HIKESHI: variants seen among roughly 807,000 people sequenced by gnomAD.
HIKESHI encodes heat shock protein nuclear import factor hikeshi.
HIKESHI carries 13 observed loss-of-function variants against 25.7 expected under a neutral mutation model. The observed-to-expected ratio is 0.51, with a 90% CI of 0.33 to 0.80. The LOEUF (loss-of-function observed/expected upper bound fraction) is 0.80. HIKESHI is among the 30% of genes least tolerant of loss of function. The probability of loss-of-function intolerance (pLI) is 0.02; values close to 1 mark genes in which losing one functional copy is unlikely to be tolerated. For missense variants in HIKESHI, 174 were observed against 229.5 expected (o/e 0.76, Z 1.56); for synonymous variants, 76 against 78.7 (o/e 0.97, Z 0.18).
At chr11:86,315,088 G>A (rs923583407) in intron 2 of HIKESHI, among the ~76,000 whole-genome samples, 6 of 151,988 alleles carry the variant, frequency 3.9e-5, no homozygotes, top group Non-Finnish European at 5.9e-5. Flanking sequence ...TTTATTCTTC[G>A]CTTTGGTTGT....
At chr11:86,302,574 A>C (rs562940228) in intron 1 of HIKESHI, 96 bp downstream of exon 1, 1 of 1,414,508 alleles carries the variant, frequency 7.1e-7, no homozygotes, top group East Asian at 2.5e-5. Context: ...GATGCGGGGA[A>C]GCCCACTTAT....
At chr11:86,340,828 A>G (rs1947705556) in intron 3 of HIKESHI, among the ~76,000 whole-genome samples, 1 of 152,208 alleles carries the variant, frequency 6.6e-6, no homozygotes. Context: ...TATTTTTAGT[A>G]AAGATGGGGT....
At chr11:86,339,289 C>A (rs1044166179) in intron 3 of HIKESHI, among the ~76,000 whole-genome samples, 1 of 152,220 alleles carries the variant, frequency 6.6e-6, no homozygotes, top group Non-Finnish European at 1.5e-5. Flanking sequence ...ACCTCGTTAT[C>A]CGCCTGCCTT....
At chr11:86,323,332 G>A (rs865909056) in intron 2 of HIKESHI, among the ~76,000 whole-genome samples, 8 of 152,056 alleles carry the variant, frequency 5.3e-5, no homozygotes, top group Middle Eastern at 3.4e-3. Flanking sequence ...TTTGACAAAC[G>A]TGATATCAGT....
At chr11:86,308,893 A>G (rs1946757271) in intron 2 of HIKESHI, among the ~76,000 whole-genome samples, 1 of 152,170 alleles carries the variant, frequency 6.6e-6, no homozygotes. Flanking sequence ...TACAAAGGAC[A>G]TGAACTCATC....
At chr11:86,311,547 GTC>G (rs1946834977) in intron 2 of HIKESHI, among the ~76,000 whole-genome samples, 1 of 151,918 alleles carries the variant, frequency 6.6e-6, no homozygotes, top group Non-Finnish European at 1.5e-5. Flanking sequence ...GGTTTTTTCT[GTC>G]TCTATCTCCT....
chr11:86,307,820 T>C (rs1482414972), intron 2 of HIKESHI, among the ~76,000 whole-genome samples: 2 of 118,090 alleles, frequency 1.7e-5, no homozygotes, highest in Non-Finnish European at 3.2e-5. Flanking sequence ...ATATATTATG[T>C]GTAATATACA....
chr11:86,333,546 CAACA>C (rs1309454556), intron 2 of HIKESHI, among the ~76,000 whole-genome samples: 1 of 114,988 alleles, frequency 8.7e-6, no homozygotes, highest in African/African-American at 3.6e-5. Context: ...ACAACAACAA[CAACA>C]AACAAACAAA....
intron 1 of HIKESHI, 129 bp from the exon 2 acceptor site, chr11:86,306,116 A>G: frequency 1.5e-6 from 1 of 654,106 alleles, no homozygotes; most frequent in Non-Finnish European, 2.7e-6. Flanking sequence ...TAAGACTATC[A>G]GATTTAACAT....
chr11:86,304,902 G>A (rs960045923), intron 1 of HIKESHI, among the ~76,000 whole-genome samples: 4 of 152,194 alleles, frequency 2.6e-5, no homozygotes, highest in Admixed American at 6.5e-5. Context: ...GGGATTACAA[G>A]TGAGTTTTAG....
chr11:86,345,332 G>A (rs983832169), intron 4 of HIKESHI: 14 of 364,662 alleles, frequency 3.8e-5, no homozygotes, highest in Non-Finnish European at 6.2e-5. Context: ...ATTTGCAGAA[G>A]ATAAACAATT....
intron 2 of HIKESHI, among the ~76,000 whole-genome samples, chr11:86,310,670 G>C (rs1946812432): frequency 6.6e-6 from 1 of 152,118 alleles, no homozygotes; most frequent in African/African-American, 2.4e-5. Context: ...TCCAGTTTTT[G>C]CCCATTCAGT....
chr11:86,331,552 C>G (rs1463989605), intron 2 of HIKESHI, among the ~76,000 whole-genome samples: 1 of 152,048 alleles, frequency 6.6e-6, no homozygotes, highest in South Asian at 2.1e-4. Flanking sequence ...CTGTTACTGC[C>G]CTCCCTCCCC....
chr11:86,339,173 G>A (rs1947651296), intron 3 of HIKESHI, among the ~76,000 whole-genome samples: 2 of 152,072 alleles, frequency 1.3e-5, no homozygotes, highest in Non-Finnish European at 2.9e-5. Flanking sequence ...AGCCTCCCAA[G>A]TAGCTGGGAC....
At chr11:86,333,408 G>A (rs1947470131) in intron 2 of HIKESHI, among the ~76,000 whole-genome samples, 1 of 151,906 alleles carries the variant, frequency 6.6e-6, no homozygotes, top group African/African-American at 2.4e-5. Flanking sequence ...GGTTGCACAG[G>A]CCTGTAATCC....
chr11:86,309,190 T>A (rs1946766556), intron 2 of HIKESHI, among the ~76,000 whole-genome samples: 1 of 152,112 alleles, frequency 6.6e-6, no homozygotes, highest in African/African-American at 2.4e-5. Context: ...CCACCAAGAG[T>A]GTAAAAGTGT....
intron 2 of HIKESHI, among the ~76,000 whole-genome samples, chr11:86,328,434 GTT>G (rs533776972): frequency 3.0e-5 from 4 of 133,010 alleles, no homozygotes; most frequent in Admixed American, 7.6e-5. Flanking sequence ...AATGTTTTTT[GTT>G]TTTTTTTTTT....
intron 2 of HIKESHI, among the ~76,000 whole-genome samples, chr11:86,334,041 C>T (rs905459307): frequency 2.0e-5 from 3 of 152,048 alleles, no homozygotes; most frequent in Non-Finnish European, 4.4e-5. Flanking sequence ...TTCCATAAGA[C>T]GCATGTGTTC....
chr11:86,326,392 T>C, intron 2 of HIKESHI: 3 of 435,966 alleles, frequency 6.9e-6, no homozygotes, highest in Non-Finnish European at 1.4e-5. Context: ...TTATATTATG[T>C]AATTATCCAT....
Sources: gnomAD v4.1 joint callset for allele counts (sites outside exome capture counted in the v4.1 genomes callset) on GRCh38, gnomAD v4.1.1 for gene constraint, MANE v1.5 for transcripts, NCBI Gene and HGNC (gene_info 2026-07-23, HGNC 2026-07-21) for gene names.